The following TRAK1 variants were observed in gnomAD, a reference collection of about 807,000 sequenced individuals.
The protein encoded by TRAK1 is trafficking kinesin-binding protein 1.
A neutral mutation model predicts 92.1 loss-of-function variants in TRAK1; 33 were observed. The observed-to-expected ratio is 0.36, with a 90% CI of 0.27 to 0.48. The LOEUF is 0.48. Among genes scored for constraint, TRAK1 ranks in the 20% least tolerant of loss-of-function variants. TRAK1 has a pLI of 0.99. For missense variants in TRAK1, 1,123 were observed against 1,257.9 expected, an observed-to-expected ratio of 0.89 and a Z score of 1.62; for synonymous variants, 521 against 517.3, an observed-to-expected ratio of 1.01 and a Z score of -0.10.
upstream of TRAK1, among the ~76,000 whole-genome samples, chr3:42,082,255 T>C (rs557924468): frequency 6.6e-6 from 1 of 152,302 alleles, no homozygotes; most frequent in South Asian, 2.1e-4. Context: ...TTATAGGTAG[T>C]GAAAGCGAAA....
chr3:42,177,011 G>T, intron 3 of TRAK1, 121 bp downstream of exon 3: 1 of 879,808 alleles, frequency 1.1e-6, no homozygotes, highest in Non-Finnish European at 1.8e-6. Flanking sequence ...TCTCTTTCGA[G>T]GTATAATTTA....
chr3:42,027,429 A>G (rs1011856703), intron 1 of TRAK1, among the ~76,000 whole-genome samples: 1 of 152,060 alleles, frequency 6.6e-6, no homozygotes, highest in Non-Finnish European at 1.5e-5. Flanking sequence ...AGGCTGAGGC[A>G]GGAGAATGGC....
At chr3:42,160,169 G>T in intron 2 of TRAK1, 2 of 1,079,056 alleles carry the variant, frequency 1.9e-6, no homozygotes, top group South Asian at 2.9e-5. Flanking sequence ...GGTCCTGCCC[G>T]GGTGATGCTG....
At chr3:42,220,797 C>A (rs1351565682) in intron 15 of TRAK1, among the ~76,000 whole-genome samples, 1 of 152,214 alleles carries the variant, frequency 6.6e-6, no homozygotes, top group African/African-American at 2.4e-5. Flanking sequence ...AAGGCCTAAC[C>A]CTAAGTTCTC....
chr3:42,187,818 A>C (rs1007423834), intron 4 of TRAK1, among the ~76,000 whole-genome samples: 1 of 152,240 alleles, frequency 6.6e-6, no homozygotes, highest in Non-Finnish European at 1.5e-5. Flanking sequence ...CAAAGTAAAA[A>C]TTATGAATTT....
chr3:42,101,437 G>T (rs1208152709), intron 1 of TRAK1, among the ~76,000 whole-genome samples: 1 of 152,200 alleles, frequency 6.6e-6, no homozygotes, highest in East Asian at 1.9e-4. Flanking sequence ...AATGGCCGAG[G>T]TACATTAGTT....
intron 2 of TRAK1, among the ~76,000 whole-genome samples, chr3:42,170,585 C>G (rs948511300): frequency 4.6e-5 from 7 of 152,142 alleles, no homozygotes; most frequent in Admixed American, 4.6e-4. Flanking sequence ...GGATACGTGT[C>G]TACTTTGAAT....
At chr3:42,059,511 G>C (rs548844552) in intron 1 of TRAK1, among the ~76,000 whole-genome samples, 1 of 152,146 alleles carries the variant, frequency 6.6e-6, no homozygotes, top group African/African-American at 2.4e-5. Context: ...ACTGTGGCCT[G>C]TTTCTCCCTG....
chr3:42,035,290 TG>T (rs1702286632), intron 1 of TRAK1, among the ~76,000 whole-genome samples: 1 of 152,138 alleles, frequency 6.6e-6, no homozygotes, highest in South Asian at 2.1e-4. Flanking sequence ...GCCTTGTAGA[TG>T]GCAATTAAGA....
intron 13 of TRAK1, chr3:42,203,712 TA>T (rs1375495846): frequency 2.0e-6 from 2 of 984,952 alleles, no homozygotes; most frequent in Non-Finnish European, 2.4e-6. Context: ...TTCCCAACTT[TA>T]AAAAAATTAT....
At chr3:42,082,362 G>A (rs1037768159), upstream of TRAK1, among the ~76,000 whole-genome samples, 4 of 152,170 alleles carry the variant, frequency 2.6e-5, no homozygotes, top group African/African-American at 9.7e-5. Flanking sequence ...ACCTTGGGAG[G>A]CTGAGGTGGG....
Position 42,093,649 on chromosome 3 carries a change from C to CCCCTT in TRAK1, c.91+2104_91+2108dup, listed in dbSNP as rs1553713246. On this transcript the variant is annotated intron_variant, in intron 1 of 15. Coordinates refer to ENST00000327628, the MANE Select transcript of TRAK1 (RefSeq NM_001042646.3). ...CTCTCTTCTCTCTTCTCTTTTTTCTCCCCTTCCCTTCCCTTCCCTCCCCTC... is the reference window on the plus strand; with the variant it reads ...CTCTCTTCTCTCTTCTCTTTTTTCTCCCCTTCCCTTCCCTTCCCTTCCCTCCCCTC... 5.6e-3 allele frequency among the ~76,000 whole-genome samples: 228 copies of CCCCTT among 40,588 alleles called. 38 individuals are homozygous for CCCCTT. Among genetic ancestry groups the CCCCTT allele is most frequent in the African/African-American group, 0.023 (218 of 9,488 alleles). The allele number at this position is 40,588 out of a possible 152,430, so 26.6% of individuals were successfully genotyped here.
intron 1 of TRAK1, among the ~76,000 whole-genome samples, chr3:42,053,992 A>G (rs545975848): frequency 1.1e-4 from 17 of 152,096 alleles, no homozygotes; most frequent in Non-Finnish European, 1.2e-4. Context: ...CTCTCCCTGA[A>G]TCTTCCCTGT....
intron 2 of TRAK1, 94 bp from the exon 3 acceptor site, chr3:42,176,720 G>A: frequency 9.1e-7 from 1 of 1,104,884 alleles, no homozygotes; most frequent in South Asian, 1.3e-5. Flanking sequence ...TGTCTAATGT[G>A]CAGGCACAAC....
intron 2 of TRAK1, among the ~76,000 whole-genome samples, chr3:42,154,919 G>C (rs772632010): frequency 3.3e-5 from 5 of 152,192 alleles, no homozygotes; most frequent in Non-Finnish European, 7.4e-5. Context: ...ACCAGACCTT[G>C]AAAGATAGGA....
At chr3:42,088,661 T>C (rs1704816815), upstream of TRAK1, among the ~76,000 whole-genome samples, 1 of 152,226 alleles carries the variant, frequency 6.6e-6, no homozygotes, top group Admixed American at 6.5e-5. Context: ...CCCACCACAC[T>C]GACAGCCTGG....
chr3:42,210,684 A>G (rs370224645), intron 14 of TRAK1: 5 of 991,122 alleles, frequency 5.0e-6, no homozygotes, highest in East Asian at 1.1e-4. Context: ...CAATGGAGGT[A>G]TATATGTCAT....
At chr3:42,071,840 G>A (rs1174413305) in intron 1 of TRAK1, among the ~76,000 whole-genome samples, 4 of 151,860 alleles carry the variant, frequency 2.6e-5, no homozygotes, top group Non-Finnish European at 5.9e-5. Flanking sequence ...ACCCTTCTCA[G>A]GCAAAGTTTT....
In TRAK1 at chr3:42,031,033, A is replaced by ATT. The variant is rs569209653; in HGVS notation, c.-519+16935_-519+16936dup. ...GTGACACTTAACCTCAGCTATTTGA[A>ATT]TTTTTTTTTTTTTTTTTTTTGAGAT... is the stretch of plus-strand genomic sequence containing the variant. On this transcript the variant is annotated intron_variant, in intron 1 of 16. Transcript: ENST00000487159. 1.5e-4 allele frequency among the ~76,000 whole-genome samples: 14 copies of ATT among 95,408 alleles called. No homozygotes were observed. In the East Asian group the frequency reaches 3.6e-3, roughly 24 times the overall value. The allele number at this position is 95,408 out of a possible 152,430, so 62.6% of individuals were successfully genotyped here.
Sources: allele counts gnomAD v4.1 joint callset (sites outside exome capture counted in the v4.1 genomes callset), GRCh38; gene constraint gnomAD v4.1.1; transcripts MANE v1.5; gene names NCBI Gene and HGNC (gene_info 2026-07-23, HGNC 2026-07-21).